The following WLS variants were observed in gnomAD, a reference collection of about 807,000 sequenced individuals.
WLS encodes the protein Wnt ligand secretion mediator, also known as protein wntless homolog.
A neutral mutation model predicts 62.8 loss-of-function variants in WLS; 23 were observed. The ratio of observed to expected loss-of-function variants is 0.37; its 90% CI spans 0.26 to 0.52. The LOEUF (loss-of-function observed/expected upper bound fraction) is 0.52, where lower values mean the gene tolerates loss of function less well. Among genes scored for constraint, WLS ranks in the 20% least tolerant of loss-of-function variants. The probability of loss-of-function intolerance (pLI) is 0.92; values close to 1 mark genes in which losing one functional copy is unlikely to be tolerated. For missense variants in WLS, 615 were observed against 697.3 expected (o/e 0.88, Z 1.33); for synonymous variants, 246 against 244.1 (o/e 1.01, Z -0.07).
rs768308570 is a variant in WLS, at chr1:68,144,619, T to C, written c.1312A>G (p.Ile438Val). Residue 438 changes from isoleucine (I) to valine (V), a missense_variant, in exon 10 of 12, where the codon ATC becomes GTC. Coordinates refer to ENST00000262348, the MANE Select transcript of WLS (RefSeq NM_024911.7). ...LIFRFKFLML[I>V]TLACAAMTVI... ...GTCATGGCAGCGCAGGCCAAGGTGA[T>C]AAGCATGAGGAACTTGAACCTAAAA... 3 of 1,613,772 alleles carry C rather than the reference T, an allele frequency of 1.9e-6. No homozygotes were observed. The African/African-American group carries it at 4.0e-5, about 22-fold the overall frequency.
intron 8 of WLS, 129 bp downstream of exon 8, chr1:68,148,007 T>G: frequency 1.0e-6 from 1 of 960,886 alleles, no homozygotes; most frequent in Non-Finnish European, 1.6e-6. Flanking sequence ...TGTGCTGTTA[T>G]GATTGGCCTG....
At chr1:68,116,461 C>A (rs1021928978) in intron 11 of WLS, among the ~76,000 whole-genome samples, 1 of 152,156 alleles carries the variant, frequency 6.6e-6, no homozygotes, top group South Asian at 2.1e-4. Context: ...TGGTGACAGG[C>A]GCAGCAGGAG....
At chr1:68,168,552 G>A (rs1647097019) in intron 2 of WLS, among the ~76,000 whole-genome samples, 1 of 152,134 alleles carries the variant, frequency 6.6e-6, no homozygotes, top group African/African-American at 2.4e-5. Flanking sequence ...GGGGAAAAAG[G>A]AGAGGACAAG....
At chr1:68,122,207 A>C (rs1221816765), downstream of WLS, among the ~76,000 whole-genome samples, 1 of 152,222 alleles carries the variant, frequency 6.6e-6, no homozygotes, top group African/African-American at 2.4e-5. Context: ...GGGTGTGGCC[A>C]CTACCATGTG....
chr1:68,145,196 T>C (rs902084714), intron 9 of WLS, among the ~76,000 whole-genome samples: 1 of 152,142 alleles, frequency 6.6e-6, no homozygotes, highest in African/African-American at 2.4e-5. Context: ...TCTGTGCAGA[T>C]CTACTGCATA....
chr1:68,219,198 A>G (rs1649849974), intron 1 of WLS, among the ~76,000 whole-genome samples: 1 of 152,234 alleles, frequency 6.6e-6, no homozygotes, highest in African/African-American at 2.4e-5. Context: ...ATAGACAACC[A>G]GCCACAGTCA....
At chr1:68,125,283 G>T (rs1015002816), downstream of WLS, 2 of 967,896 alleles carry the variant, frequency 2.1e-6, no homozygotes, top group Admixed American at 6.2e-5. Flanking sequence ...AAGTATATCA[G>T]TTTTTCAGAA....
chr1:68,157,584 T>TA (rs1259797473), intron 3 of WLS, among the ~76,000 whole-genome samples: 2 of 151,214 alleles, frequency 1.3e-5, no homozygotes. Context: ...ACTTGACTTT[T>TA]TTTTTTTTAA....
At chr1:68,166,646 GGAGA>G (rs2100526000) in intron 2 of WLS, among the ~76,000 whole-genome samples, 1 of 152,298 alleles carries the variant, frequency 6.6e-6, no homozygotes, top group Non-Finnish European at 1.5e-5. Context: ...GCTTTCTACA[GGAGA>G]GAAACAGGCA....
intron 6 of WLS, among the ~76,000 whole-genome samples, chr1:68,149,239 G>C (rs894882549): frequency 2.6e-5 from 4 of 152,040 alleles, no homozygotes; most frequent in Non-Finnish European, 5.9e-5. Context: ...CCTCCAGGTG[G>C]GGCCCCAGGT....
rs952397370 is a variant in WLS at position 68,138,086 on chromosome 1, C to A, written c.1363-153G>T. On this transcript the variant is annotated intron_variant, in intron 10 of 11. Transcript: ENST00000262348. ...TAAGACTCCATCTTTTAATCTGAAT[C>A]ATTTCGGTGTAAATTAAGGTCAACT... is the stretch of plus-strand genomic sequence containing the variant. 5 of 887,156 alleles carry A rather than the reference C, an allele frequency of 5.6e-6. No homozygotes were observed. The Admixed American group carries it at 1.2e-4, about 20-fold the overall frequency. 55.0% of individuals were successfully genotyped at this position (887,156 alleles called of 1,614,324 possible).
At chr1:68,098,605 C>T in exon 12 of WLS, 1 of 1,611,252 alleles carries the variant, frequency 6.2e-7, no homozygotes, top group Non-Finnish European at 8.5e-7. Context: ...AAATGCAAAG[C>T]TGATAAACAT....
chr1:68,216,120 C>T (rs1649716565), intron 1 of WLS, among the ~76,000 whole-genome samples: 1 of 152,156 alleles, frequency 6.6e-6, no homozygotes, highest in Non-Finnish European at 1.5e-5. Flanking sequence ...AAATGTTTGG[C>T]CAATACACAG....
At chr1:68,112,334 A>T (rs1314538667) in intron 11 of WLS, among the ~76,000 whole-genome samples, 3 of 152,168 alleles carry the variant, frequency 2.0e-5, no homozygotes, top group Non-Finnish European at 4.4e-5. Context: ...TCTTGGCTTC[A>T]TTCAGGAGGC....
At chr1:68,146,139 G>T in intron 8 of WLS, 127 bp from the exon 9 acceptor site, 2 of 1,063,192 alleles carry the variant, frequency 1.9e-6, no homozygotes, top group Non-Finnish European at 2.7e-6. Flanking sequence ...TTTTCAAGGG[G>T]ATAAAATATT....
chr1:68,162,338 G>A, intron 2 of WLS: 3 of 1,613,856 alleles, frequency 1.9e-6, no homozygotes, highest in Non-Finnish European at 2.5e-6. Context: ...TCATTGATGA[G>A]GTGGTGGTTA....
At chr1:68,164,302 AGGCT>A (rs1289940910) in intron 2 of WLS, among the ~76,000 whole-genome samples, 2 of 151,880 alleles carry the variant, frequency 1.3e-5, no homozygotes, top group Non-Finnish European at 2.9e-5. Flanking sequence ...CTTGTTACCC[AGGCT>A]GGAGTGCAAT....
intron 11 of WLS, among the ~76,000 whole-genome samples, chr1:68,126,680 G>A (rs1240771438): frequency 3.9e-5 from 6 of 152,040 alleles, no homozygotes; most frequent in Non-Finnish European, 8.8e-5. Context: ...TTTAATCCTC[G>A]CAGAAGCCCT....
chr1:68,201,560 TAC>T (rs983900912), intron 1 of WLS, among the ~76,000 whole-genome samples: 2 of 152,274 alleles, frequency 1.3e-5, no homozygotes, highest in African/African-American at 4.8e-5. Context: ...AAAGTGTGTC[TAC>T]AGAGACTAGA....
Sources: gnomAD v4.1 joint callset for allele counts (sites outside exome capture counted in the v4.1 genomes callset) on GRCh38, gnomAD v4.1.1 for gene constraint, MANE v1.5 for transcripts, NCBI Gene and HGNC (gene_info 2026-07-23, HGNC 2026-07-21) for gene names.